The following POM121 variants were observed in gnomAD, a reference collection of about 807,000 sequenced individuals.
POM121 encodes nuclear envelope pore membrane protein POM 121.
In POM121, 32 loss-of-function variants were observed where a neutral mutation model predicts 81.3. The ratio of observed to expected loss-of-function variants is 0.39; its 90% CI spans 0.30 to 0.53. POM121 has a LOEUF of 0.53. Among genes scored for constraint, POM121 ranks in the 20% least tolerant of loss-of-function variants. The pLI is 0.66. For missense variants in POM121, 1,138 were observed against 1,614.6 expected (o/e 0.70, Z 5.06); for synonymous variants, 514 against 694.2 (o/e 0.74, Z 4.08).
Position 72,945,591 on chromosome 7 carries a change from G to A in POM121, c.3535G>A (p.Ala1179Thr), listed in dbSNP as rs782455576. The A allele has an allele frequency of 3.5e-5, 57 of 1,613,106 alleles. No homozygotes were observed. Among genetic ancestry groups the A allele is most frequent in the Admixed American group, 2.0e-4 (12 of 59,858 alleles). Residue 1179 changes from alanine (A) to threonine (T), a missense_variant, in exon 12 of 13, where the codon GCC (alanine) becomes ACC (threonine). By Grantham distance (58) the Ala-to-Thr change is moderately conservative (BLOSUM62 0). Around this residue, in one of 7 missense-constraint regions of POM121, gnomAD observed 336 missense variants for 344.3 expected, o/e 0.98. Transcript: ENST00000434423. ...CTCTGTTCTCTTCATTCCAGGCACC[G>A]CCACCCCCACCTTTGGTCTGAACAC... ...TESKPVFGGT[A>T]TPTFGLNTPA... is the part of the protein sequence containing the mutation.
At chr7:72,884,522 A>G (rs1314073028) in intron 1 of POM121, among the ~76,000 whole-genome samples, 3 of 145,272 alleles carry the variant, frequency 2.1e-5, no homozygotes, top group African/African-American at 7.4e-5. Flanking sequence ...TACATATAAT[A>G]TATATTTGAT....
At chr7:72,881,837 G>T (rs1300553245) in intron 1 of POM121, among the ~76,000 whole-genome samples, 3 of 151,962 alleles carry the variant, frequency 2.0e-5, no homozygotes, top group Admixed American at 2.0e-4. Flanking sequence ...CACTATGTTG[G>T]CCAGGCTGGT....
Position 72,947,968 on chromosome 7 carries a change from A to T in POM121, c.*1734A>T. On this transcript the variant is annotated 3_prime_UTR_variant, in exon 13 of 13. Transcript: ENST00000434423. Reference sequence around the variant, plus strand: ...TGCAGCTGAGGAGGGAGTGAACCTCAAGCCTAAATACCTGTTAGGATTGGA... The same window carrying T: ...TGCAGCTGAGGAGGGAGTGAACCTCTAGCCTAAATACCTGTTAGGATTGGA... 1 of 1,065,058 alleles carries T rather than the reference A, an allele frequency of 9.4e-7. No homozygotes were observed. The highest frequency in any genetic ancestry group is 1.1e-6 in the Non-Finnish European group (1 of 877,226). The allele number at this position is 1,065,058 out of a possible 1,614,324, so 66.0% of individuals were successfully genotyped here.
chr7:72,936,468 G>A (rs1796516951), intron 5 of POM121, among the ~76,000 whole-genome samples: 1 of 151,320 alleles, frequency 6.6e-6, no homozygotes, highest in African/African-American at 2.4e-5. Context: ...TAGTAGAGAC[G>A]GGGTTTCACC....
At chr7:72,928,202 CTCTG>C (rs1795656492) in intron 3 of POM121, among the ~76,000 whole-genome samples, 179 bp from the exon 4 acceptor site, 1 of 151,796 alleles carries the variant, frequency 6.6e-6, no homozygotes. Context: ...AAGAGCGAAA[CTCTG>C]TCTGAAAAAA....
At chr7:72,927,770 T>G (rs1384656652) in intron 3 of POM121, among the ~76,000 whole-genome samples, 1 of 152,170 alleles carries the variant, frequency 6.6e-6, no homozygotes. Flanking sequence ...AATAAATAGT[T>G]TTCTAAGTAT....
At position 72,942,192 on chromosome 7, in the gene POM121, G is replaced by A. The variant is rs782548659; in HGVS notation, c.2199G>A (p.Thr733=). Residue 733 remains threonine, a synonymous_variant, in exon 11 of 13, where the codon ACG becomes ACA. Coordinates refer to ENST00000434423, the MANE Select transcript of POM121 (RefSeq NM_001387691.1). ...SAPPMFKPIF[T]APPKSEKEGP... Reference sequence around the variant, plus strand: ...CTCCCATGTTCAAGCCCATTTTCACGGCTCCACCCAAGAGTGAGAAGGAAG... The same window carrying A: ...CTCCCATGTTCAAGCCCATTTTCACAGCTCCACCCAAGAGTGAGAAGGAAG... 9 of 1,609,932 alleles carry A rather than the reference G, an allele frequency of 5.6e-6. No homozygotes were observed. In the East Asian group the frequency reaches 6.7e-5, roughly 12 times the overall value.
chr7:72,899,316 T>G (rs1554492267), intron 3 of POM121, among the ~76,000 whole-genome samples: 2 of 151,982 alleles, frequency 1.3e-5, no homozygotes. Context: ...CCGCAGCACA[T>G]TTCCTCACAC....
intron 10 of POM121, among the ~76,000 whole-genome samples, chr7:72,941,216 A>C (rs1482869585): frequency 6.6e-6 from 1 of 151,820 alleles, no homozygotes; most frequent in Non-Finnish European, 1.5e-5. Flanking sequence ...CCTGGCTCGT[A>C]GCTGCCCTGA....
chr7:72,919,563 C>G (rs1794612448), intron 4 of POM121, among the ~76,000 whole-genome samples: 1 of 152,016 alleles, frequency 6.6e-6, no homozygotes, highest in African/African-American at 2.4e-5. Flanking sequence ...CTCACTGGAG[C>G]CTTGACCTTC....
At chr7:72,941,394 C>T (rs1181111725) in intron 10 of POM121, among the ~76,000 whole-genome samples, 3 of 150,234 alleles carry the variant, frequency 2.0e-5, no homozygotes, top group African/African-American at 4.9e-5. Context: ...TGTTCCCGGC[C>T]CAGGCCTTCA....
At chr7:72,909,373 T>C (rs1554493917) in intron 3 of POM121, among the ~76,000 whole-genome samples, 1 of 152,244 alleles carries the variant, frequency 6.6e-6, no homozygotes, top group Admixed American at 6.5e-5. Context: ...TTCTGGTTTT[T>C]AGTATGAGGA....
chr7:72,901,249 C>G (rs1233446417), intron 3 of POM121, among the ~76,000 whole-genome samples: 2 of 148,346 alleles, frequency 1.3e-5, no homozygotes, highest in African/African-American at 5.0e-5. Flanking sequence ...GGGTCTCACT[C>G]TGTTGCCTGT....
At position 72,930,094 on chromosome 7, in the gene POM121, A is replaced by G. The variant is rs1281015500; in HGVS notation, c.1258A>G (p.Thr420Ala). The change falls in exon 5 of 13, where the codon ACT becomes GCT. Residue 420 changes from threonine to alanine, a missense_variant. By Grantham distance (58) the Thr-to-Ala change is moderately conservative (BLOSUM62 0). This residue lies in a region of POM121 where 646 missense variants were observed against 633.5 expected (regional missense o/e 1.02). Coordinates refer to ENST00000434423, the MANE Select transcript of POM121 (RefSeq NM_001387691.1). ...RNAITSSYSS[T>A]RGISQLWKRN... ...TGCCATTACCAGTTCCTACAGCTCCACTCGAGGCATCTCACAGGTACAAGT... is the reference window on the plus strand; with the variant it reads ...TGCCATTACCAGTTCCTACAGCTCCGCTCGAGGCATCTCACAGGTACAAGT... 6.2e-7 allele frequency: 1 copy of G among 1,610,360 alleles called. No individual in the cohort carries two copies. The highest frequency in any genetic ancestry group is 8.5e-7 in the Non-Finnish European group (1 of 1,178,350).
chr7:72,945,793 C>G, intron 12 of POM121, 85 bp downstream of exon 12: 13 of 1,517,692 alleles, frequency 8.6e-6, no homozygotes, highest in Non-Finnish European at 1.1e-5. Flanking sequence ...CTCTGAGGCC[C>G]GGTGAAGATC....
chr7:72,894,629 G>GAGAGAGAGAGAGAGAA (rs1791695883), intron 3 of POM121, among the ~76,000 whole-genome samples: 1 of 11,876 alleles, frequency 8.4e-5, no homozygotes, highest in African/African-American at 1.3e-4. Flanking sequence ...AGAGAGAGGA[G>GAGAGAGAGAGAGAGAA]AGAGAGAGAG....
rs1554500830 is a variant in POM121, at chr7:72,941,038, C to A, written c.1843+45C>A. The A allele has an allele frequency of 3.1e-6, 5 of 1,610,890 alleles. No individual in the cohort carries two copies. The South Asian group carries it at 3.3e-5, about 11-fold the overall frequency. On this transcript the variant is annotated intron_variant, in intron 10 of 12. Coordinates refer to ENST00000434423, the MANE Select transcript of POM121 (RefSeq NM_001387691.1). The stretch of plus-strand genomic sequence containing the variant: ...TGGATCCAGCCTTCTGAGCAGCATC[C>A]CCGGCTTGAGTTGGAATAAGGGCGT...
chr7:72,923,947 T>A (rs1795092790), upstream of POM121, among the ~76,000 whole-genome samples: 1 of 134,950 alleles, frequency 7.4e-6, no homozygotes, highest in African/African-American at 2.8e-5. Flanking sequence ...TGAATTGCAA[T>A]TTTTTTTTCT....
chr7:72,943,863 C>T (rs1554502604), intron 11 of POM121, among the ~76,000 whole-genome samples: 1 of 152,222 alleles, frequency 6.6e-6, no homozygotes, highest in Non-Finnish European at 1.5e-5. Context: ...CTTGGCGAAA[C>T]CCTGTCTCTA....
Sources: allele counts gnomAD v4.1 joint callset (sites outside exome capture counted in the v4.1 genomes callset), GRCh38; gene constraint gnomAD v4.1.1; regional missense constraint gnomAD v4.1.1; transcripts MANE v1.5; gene names NCBI Gene and HGNC (gene_info 2026-07-23, HGNC 2026-07-21).